Variants in CYP11B2 observed in about 807,000 individuals in gnomAD.
CYP11B2 encodes cytochrome P450 family 11 subfamily B member 2, also known as cytochrome P450 11B2, mitochondrial.
CYP11B2 carries 38 observed loss-of-function variants against 49.3 expected under a neutral mutation model. The ratio of observed to expected loss-of-function variants is 0.77; its 90% CI spans 0.59 to 1.01. The LOEUF is 1.01. CYP11B2 is among the 50% of genes least tolerant of loss of function. CYP11B2 has a pLI of 0.00. For synonymous variants in CYP11B2, 290 were observed against 269.3 expected (o/e 1.08, Z -0.75); for missense variants, 669 against 655.5 (o/e 1.02, Z -0.23).
At chr8:142,912,247 G>T (rs1026256131) in intron 8 of CYP11B2, among the ~76,000 whole-genome samples, 154 bp from the exon 9 acceptor site, 1 of 151,972 alleles carries the variant, frequency 6.6e-6, no homozygotes, top group African/African-American at 2.4e-5. Flanking sequence ...CCACCTTACG[G>T]ACCAGGCCCA....
chr8:142,911,976 A>G lies in CYP11B2; in HGVS notation c.*4T>C. The G allele has an allele frequency of 6.2e-7, 1 of 1,613,954 alleles. No homozygotes were observed. Among genetic ancestry groups the G allele is most frequent in the Non-Finnish European group, 8.5e-7 (1 of 1,179,910 alleles). On this transcript the variant is annotated 3_prime_UTR_variant, in exon 9 of 9. Transcript: ENST00000323110. ...AGGCTGGGACCCTGGGTGCAGATGCAAGACTAGTTAATCGCTCTGAAAGTG... is the reference window on the plus strand; with the variant it reads ...AGGCTGGGACCCTGGGTGCAGATGCGAGACTAGTTAATCGCTCTGAAAGTG...
intron 5 of CYP11B2, 100 bp downstream of exon 5, chr8:142,914,164 T>C: frequency 7.3e-7 from 1 of 1,378,656 alleles, no homozygotes; most frequent in Non-Finnish European, 1.0e-6. Context: ...GCCTGTAGCC[T>C]GGGGATGGGG....
In CYP11B2 at chr8:142,911,107, G is replaced by A. The variant is rs887577203; in HGVS notation, c.*873C>T. ...TGACATGGCTCCGTATCAACCAGAG[G>A]AATGAGTCAATAAAACTCATCTGAG... On this transcript the variant is annotated 3_prime_UTR_variant, in exon 9 of 9. Coordinates refer to ENST00000323110, the MANE Select transcript of CYP11B2 (RefSeq NM_000498.3). 5 of 152,134 alleles carry A rather than the reference G, an allele frequency of 3.3e-5. No homozygotes were observed. Among genetic ancestry groups the A allele is most frequent in the African/African-American group, 4.8e-5 (2 of 41,394 alleles). 9.4% of individuals were successfully genotyped at this position (152,134 alleles called of 1,614,324 possible). A position where few individuals can be genotyped will look rare whatever the true frequency, so the allele number is the denominator to read the frequency against.
At chr8:142,914,673 C>A (rs1292790971) in intron 4 of CYP11B2, 32 bp downstream of exon 4, 2 of 1,565,070 alleles carry the variant, frequency 1.3e-6, no homozygotes, top group Non-Finnish European at 8.7e-7. Flanking sequence ...GGTGTCCCTT[C>A]CCCATAGCAC....
chr8:142,917,139 G>C lies in CYP11B2; in HGVS notation c.315C>G (p.Ser105Arg). 4.3e-6 allele frequency: 7 copies of C among 1,614,204 alleles called. No homozygotes were observed. The highest frequency in any genetic ancestry group is 4.2e-6 in the Non-Finnish European group (5 of 1,180,028). Residue 105 changes from serine (S) to arginine (R), a missense_variant, in exon 2 of 9, where the codon AGC becomes AGG. Coordinates refer to ENST00000323110, the MANE Select transcript of CYP11B2 (RefSeq NM_000498.3). The part of the protein sequence containing the change: ...EDVEKLQQVD[S>R]LHPCRMILEP... ...CCAGGATCATCCTGCAGGGATGCAG[G>C]CTGTCCACCTGTTGCAGCTTCTCCA...
chr8:142,916,624 C>T, intron 2 of CYP11B2: 1 of 389,608 alleles, frequency 2.6e-6, no homozygotes, highest in Non-Finnish European at 5.2e-6. Context: ...CTGCAGGGAC[C>T]CTGAGCGCCC....
chr8:142,911,259 T>A lies in CYP11B2; in HGVS notation c.*721A>T, dbSNP rs3201272. 1.3e-5 allele frequency: 2 copies of A among 152,146 alleles called. No individual in the cohort carries two copies. Among genetic ancestry groups the A allele is most frequent in the African/African-American group, 4.8e-5 (2 of 41,356 alleles). 9.4% of individuals were successfully genotyped at this position (152,146 alleles called of 1,614,324 possible). A position where few individuals can be genotyped will look rare whatever the true frequency, so the allele number is the denominator to read the frequency against. On this transcript the variant is annotated 3_prime_UTR_variant, in exon 9 of 9. Transcript: ENST00000323110. ...CTCGGGACCTTCTCCAGGGGACAGC[T>A]CAGGAAGCAGAGGACCCAACACTCG...
intron 5 of CYP11B2, 129 bp downstream of exon 5, chr8:142,914,135 A>T: frequency 9.5e-7 from 1 of 1,054,690 alleles, no homozygotes; most frequent in South Asian, 1.3e-5. Context: ...GGGAAGGCTG[A>T]GGGCAACAGA....
chr8:142,911,600 A>G lies in CYP11B2; in HGVS notation c.*380T>C, dbSNP rs757159745. The G allele has an allele frequency of 5.6e-5, 17 of 303,806 alleles. No homozygotes were observed. Among genetic ancestry groups the G allele is most frequent in the Non-Finnish European group, 9.0e-5 (14 of 156,052 alleles). The allele number at this position is 303,806 out of a possible 1,614,324, so 18.8% of individuals were successfully genotyped here. ...AGGCCCTGGCCAGGGCGAGAGGGAC[A>G]GGGACATGTGAGACTAGGCAGGAAG... On this transcript the variant is annotated 3_prime_UTR_variant, in exon 9 of 9. Coordinates refer to ENST00000323110, the MANE Select transcript of CYP11B2 (RefSeq NM_000498.3).
chr8:142,912,021 G>C lies in CYP11B2; in HGVS notation c.1471C>G (p.Pro491Ala). 1 of 1,614,006 alleles carries C rather than the reference G, an allele frequency of 6.2e-7. No individual in the cohort carries two copies. Among genetic ancestry groups the C allele is most frequent in the Non-Finnish European group, 8.5e-7 (1 of 1,179,952 alleles). Residue 491 changes from proline (P) to alanine (A), a missense_variant, in exon 9 of 9, where the codon CCT (proline) becomes GCT (alanine). By Grantham distance (27) the Pro-to-Ala change is conservative. Transcript: ENST00000323110. ...IKMVYSFILRPGTSPLLTFRA... is the reference protein window; with the variant it reads ...IKMVYSFILRAGTSPLLTFRA... Reference sequence around the variant, plus strand: ...AAAGTGAGGAGGGGGGACGTGCCAGGCCTCAATATGAAGCTGTAGACCATC... The same window carrying C: ...AAAGTGAGGAGGGGGGACGTGCCAGCCCTCAATATGAAGCTGTAGACCATC...
rs749398513 is a variant in CYP11B2, at chr8:142,915,019, G to C, written c.595+27C>G. On this transcript the variant is annotated intron_variant, in intron 3 of 8. Transcript: ENST00000323110. ...TCCCTGGCCACTCCAGGGTCTCTGG[G>C]GCTGGACCTTCCCGCATGGCCCACA... 1.4e-5 allele frequency: 22 copies of C among 1,613,134 alleles called. No individual in the cohort carries two copies. In the African/African-American group the frequency reaches 2.9e-4, roughly 22 times the overall value.
rs544418653 is a variant in CYP11B2 at position 142,916,373 on chromosome 8, C to T, written c.395+686G>A. ...TGGGGGCTGTCACCACTGTGACATCCTCATCCAGTCCTTCCCCCGTCCTAA... is the reference window on the plus strand; with the variant it reads ...TGGGGGCTGTCACCACTGTGACATCTTCATCCAGTCCTTCCCCCGTCCTAA... On this transcript the variant is annotated intron_variant, in intron 2 of 8. Transcript: ENST00000323110. The T allele has an allele frequency of 3.3e-5, 15 of 456,008 alleles. No homozygotes were observed. In the East Asian group the frequency reaches 8.3e-4, roughly 25 times the overall value. The allele number at this position is 456,008 out of a possible 1,614,324, so 28.2% of individuals were successfully genotyped here.
In CYP11B2 at chr8:142,913,323, C is replaced by G. The variant is rs1475989202; in HGVS notation, c.1083G>C (p.Glu361Asp). Residue 361 changes from glutamate to aspartate, a missense_variant, in exon 6 of 9, where the codon GAG becomes GAC. Transcript: ENST00000323110. Reference protein sequence around the residue: ...ISEHPQKATTELPLLRAALKE... With the variant: ...ISEHPQKATTDLPLLRAALKE... Reference sequence around the variant, plus strand: ...TGAGGGCCGCCCGCAGCAAGGGCAGCTCGGTGGTTGCCTTCTGGGGATGTT... The same window carrying G: ...TGAGGGCCGCCCGCAGCAAGGGCAGGTCGGTGGTTGCCTTCTGGGGATGTT... 6.2e-7 allele frequency: 1 copy of G among 1,614,026 alleles called. No individual in the cohort carries two copies.
At position 142,916,164 on chromosome 8, in the gene CYP11B2, C is replaced by T. The variant is rs368253314; in HGVS notation, c.395+895G>A. Among the ~76,000 whole-genome samples, 6 of 152,264 alleles carry T rather than the reference C, an allele frequency of 3.9e-5. No homozygotes were observed. The East Asian group carries it at 5.8e-4, about 15-fold the overall frequency. On this transcript the variant is annotated intron_variant, in intron 2 of 8. Coordinates refer to ENST00000323110, the MANE Select transcript of CYP11B2 (RefSeq NM_000498.3). ...AGCATGTGCACAGATGCAAGACACA[C>T]ACACATACAGGAGCGCTCCCCTTCC... is the stretch of plus-strand genomic sequence containing the variant.
chr8:142,912,208 G>T, intron 8 of CYP11B2, 115 bp from the exon 9 acceptor site: 1 of 1,533,694 alleles, frequency 6.5e-7, no homozygotes. Context: ...AGCAGCCTGG[G>T]CCCCAACCTA....
intron 4 of CYP11B2, 139 bp from the exon 5 acceptor site, chr8:142,914,557 C>G: frequency 1.5e-6 from 2 of 1,361,324 alleles, no homozygotes; most frequent in Non-Finnish European, 2.0e-6. Flanking sequence ...CAGCCCAGCC[C>G]CAGCCTCGCA....
chr8:142,917,830 C>G lies in CYP11B2; in HGVS notation c.11G>C (p.Arg4Thr), dbSNP rs1220133658. Residue 4 changes from arginine (R) to threonine (T), a missense_variant, in exon 1 of 9, where the codon AGG becomes ACG. Arg to Thr is a moderately conservative substitution (Grantham distance 71). Coordinates refer to ENST00000323110, the MANE Select transcript of CYP11B2 (RefSeq NM_000498.3). Reference sequence around the variant, plus strand: ...TGCCACGCACACCTCTGCCTTTGCCCTGAGTGCCATTCCAATGCTCCCTCC... The same window carrying G: ...TGCCACGCACACCTCTGCCTTTGCCGTGAGTGCCATTCCAATGCTCCCTCC... The part of the protein sequence containing the change: MAL[R>T]AKAEVCVAAP... 1 of 1,614,044 alleles carries G rather than the reference C, an allele frequency of 6.2e-7. No individual in the cohort carries two copies. Among genetic ancestry groups the G allele is most frequent in the Admixed American group, 1.7e-5 (1 of 60,030 alleles).
At position 142,911,958 on chromosome 8, in the gene CYP11B2, G is replaced by C. The variant is rs374986181; in HGVS notation, c.*22C>G. 109 of 1,613,790 alleles carry C rather than the reference G, an allele frequency of 6.8e-5. No homozygotes were observed. Among genetic ancestry groups the C allele is most frequent in the Non-Finnish European group, 8.8e-5 (104 of 1,179,888 alleles). On this transcript the variant is annotated 3_prime_UTR_variant, in exon 9 of 9. Coordinates refer to ENST00000323110, the MANE Select transcript of CYP11B2 (RefSeq NM_000498.3). ...AGAGGGAAGCTGGTGGCCAGGCTGG[G>C]ACCCTGGGTGCAGATGCAAGACTAG...
rs201628922 is a variant in CYP11B2 at position 142,912,121 on chromosome 8, G to T, written c.1399-28C>A. On this transcript the variant is annotated intron_variant, in intron 8 of 8. Coordinates refer to ENST00000323110, the MANE Select transcript of CYP11B2 (RefSeq NM_000498.3). ...AGGACAGAGGCTGGGTTTCCATCTGGCCTGGTCAGTAGCCCATGGACCTGG... is the reference window on the plus strand; with the variant it reads ...AGGACAGAGGCTGGGTTTCCATCTGTCCTGGTCAGTAGCCCATGGACCTGG... 126 of 1,613,750 alleles carry T rather than the reference G, an allele frequency of 7.8e-5. No homozygotes were observed. The Admixed American group carries it at 2.1e-3, about 26-fold the overall frequency.
Sources: gnomAD v4.1 joint callset for allele counts (sites outside exome capture counted in the v4.1 genomes callset) on GRCh38, gnomAD v4.1.1 for gene constraint, MANE v1.5 for transcripts, NCBI Gene and HGNC (gene_info 2026-07-23, HGNC 2026-07-21) for gene names.